The following FHIT variants were observed in gnomAD, a reference collection of about 807,000 sequenced individuals.
The protein encoded by FHIT is fragile histidine triad diadenosine triphosphatase, also known as bis(5'-adenosyl)-triphosphatase.
In FHIT, 19 loss-of-function variants were observed where a neutral mutation model predicts 17.9. The observed-to-expected ratio is 1.06, with a 90% CI of 0.74 to 1.56. The LOEUF (loss-of-function observed/expected upper bound fraction) is 1.56. FHIT is among the 40% of genes most tolerant of loss of function. The probability of loss-of-function intolerance (pLI) is 0.00; values close to 1 mark genes in which losing one functional copy is unlikely to be tolerated. For synonymous variants in FHIT, 81 were observed against 69.7 expected (o/e 1.16, Z -0.81); for missense variants, 248 against 189.2 (o/e 1.31, Z -1.82).
chr3:61,090,921 C>T (rs1375274151), intron 2 of FHIT, among the ~76,000 whole-genome samples: 1 of 152,148 alleles, frequency 6.6e-6, no homozygotes, highest in East Asian at 1.9e-4. Context: ...TCTGATTCTG[C>T]TGTTTATGCT....
chr3:61,195,234 G>T (rs1241694230), intron 2 of FHIT, among the ~76,000 whole-genome samples: 1 of 151,540 alleles, frequency 6.6e-6, no homozygotes, highest in Non-Finnish European at 1.5e-5. Context: ...AAATAAGCTT[G>T]TCTACTTCTA....
intron 1 of FHIT, among the ~76,000 whole-genome samples, chr3:61,249,121 C>G (rs2040552545): frequency 2.0e-5 from 3 of 152,116 alleles, no homozygotes; most frequent in African/African-American, 4.8e-5. Context: ...CTTGAAAGAG[C>G]AAATTAGAGG....
At chr3:59,888,886 C>T (rs1247715358) in intron 8 of FHIT, among the ~76,000 whole-genome samples, 1 of 152,176 alleles carries the variant, frequency 6.6e-6, no homozygotes. Flanking sequence ...AAGCTGCATC[C>T]AGTGAGGGCC....
chr3:60,619,108 G>A (rs1192616519), intron 4 of FHIT, among the ~76,000 whole-genome samples: 2 of 152,100 alleles, frequency 1.3e-5, no homozygotes, highest in Non-Finnish European at 2.9e-5. Flanking sequence ...TAGCAACTAA[G>A]TAGATGATTT....
intron 5 of FHIT, among the ~76,000 whole-genome samples, chr3:60,266,793 C>T (rs542583465): frequency 6.6e-6 from 1 of 152,080 alleles, no homozygotes; most frequent in African/African-American, 2.4e-5. Context: ...GATGAAAGTG[C>T]CAGAATACCA....
intron 4 of FHIT, among the ~76,000 whole-genome samples, chr3:60,695,419 A>G (rs2041091782): frequency 6.6e-6 from 1 of 152,196 alleles, no homozygotes; most frequent in Admixed American, 6.5e-5. Flanking sequence ...AAAAAGAAAT[A>G]TATAAATGTT....
At chr3:59,992,608 G>A (rs761852153) in intron 7 of FHIT, among the ~76,000 whole-genome samples, 10 of 152,104 alleles carry the variant, frequency 6.6e-5, no homozygotes, top group Middle Eastern at 6.8e-3. Flanking sequence ...CTTTGAATTC[G>A]GAGTACCTGA....
At chr3:60,363,834 G>C (rs142375543) in intron 5 of FHIT, among the ~76,000 whole-genome samples, 32 of 152,230 alleles carry the variant, frequency 2.1e-4, no homozygotes, top group African/African-American at 7.5e-4. Flanking sequence ...GAACAGTTCA[G>C]GATATTTATT....
chr3:60,495,736 T>C (rs1201984951), intron 5 of FHIT, among the ~76,000 whole-genome samples: 2 of 151,978 alleles, frequency 1.3e-5, no homozygotes, highest in Non-Finnish European at 2.9e-5. Context: ...CGGAAAAAAA[T>C]CATTTGAAAG....
rs115305372 is a variant in FHIT, at chr3:60,102,271, G to C, written c.104-88119C>G. 8.5e-3 allele frequency among the ~76,000 whole-genome samples: 1,290 copies of C among 152,330 alleles called. 25 individuals carry two copies. Among genetic ancestry groups the C allele is most frequent in the African/African-American group, 0.028 (1,174 of 41,574 alleles). ...CTGAGGGCCGCCAATGTTGGCAGCA[G>C]CAAAGCCTGCTTAAATATAATAACT... On this transcript the variant is annotated intron_variant, in intron 5 of 9. Transcript: ENST00000492590.
At chr3:60,520,338 C>T (rs2035311593) in intron 5 of FHIT, among the ~76,000 whole-genome samples, 2 of 152,102 alleles carry the variant, frequency 1.3e-5, no homozygotes, top group Admixed American at 1.3e-4. Context: ...AACCTGTGCT[C>T]TCCAAGGATC....
chr3:59,757,048 T>C (rs573909165), intron 8 of FHIT, among the ~76,000 whole-genome samples: 1 of 152,168 alleles, frequency 6.6e-6, no homozygotes, highest in Non-Finnish European at 1.5e-5. Flanking sequence ...ATCTCTCCTT[T>C]CTGCAGGTAA....
At chr3:60,186,253 T>C (rs1436150798) in intron 5 of FHIT, among the ~76,000 whole-genome samples, 1 of 152,178 alleles carries the variant, frequency 6.6e-6, no homozygotes, top group Non-Finnish European at 1.5e-5. Context: ...ATTTTATACT[T>C]TTGCATTTCA....
At chr3:60,896,578 C>A (rs1705834045) in intron 3 of FHIT, among the ~76,000 whole-genome samples, 1 of 152,104 alleles carries the variant, frequency 6.6e-6, no homozygotes, top group Non-Finnish European at 1.5e-5. Flanking sequence ...CAACCAAGAA[C>A]AAATGTATAA....
At chr3:61,233,454 A>G (rs1288701017) in intron 1 of FHIT, among the ~76,000 whole-genome samples, 4 of 152,220 alleles carry the variant, frequency 2.6e-5, no homozygotes, top group Admixed American at 2.0e-4. Context: ...TATTTTTTAA[A>G]TCATTCATTA....
chr3:60,627,841 T>C (rs1364379761), intron 4 of FHIT, among the ~76,000 whole-genome samples: 1 of 152,192 alleles, frequency 6.6e-6, no homozygotes, highest in Non-Finnish European at 1.5e-5. Context: ...TTTTTATTCC[T>C]GATTTTAATA....
At chr3:60,200,811 G>A (rs1702866571) in intron 5 of FHIT, among the ~76,000 whole-genome samples, 1 of 152,118 alleles carries the variant, frequency 6.6e-6, no homozygotes, top group African/African-American at 2.4e-5. Flanking sequence ...GAAACACCCT[G>A]ACACCACACA....
chr3:60,233,272 G>A (rs765450875), intron 5 of FHIT, among the ~76,000 whole-genome samples: 2 of 152,168 alleles, frequency 1.3e-5, no homozygotes, highest in Non-Finnish European at 2.9e-5. Context: ...ACTGATGCCT[G>A]GCAATCCATG....
rs1281644274 is a variant in FHIT at position 59,853,496 on chromosome 3, A to C, written c.348+68850T>G. ...TTAAATTATACCAACATGAAAACTA[A>C]GTGTAATCTTCAGTCAATAAAATAT... On this transcript the variant is annotated intron_variant, in intron 8 of 9. Coordinates refer to ENST00000492590, the MANE Select transcript of FHIT (RefSeq NM_002012.4). Among the ~76,000 whole-genome samples the C allele has an allele frequency of 2.0e-5, 3 of 152,218 alleles. No individual in the cohort carries two copies. The East Asian group carries it at 5.8e-4, about 29-fold the overall frequency.
Sources: allele counts gnomAD v4.1 joint callset (sites outside exome capture counted in the v4.1 genomes callset), GRCh38; gene constraint gnomAD v4.1.1; transcripts MANE v1.5; gene names NCBI Gene and HGNC (gene_info 2026-07-23, HGNC 2026-07-21).